Variants in CEP128 observed in about 807,000 individuals in gnomAD.
CEP128 encodes the protein centrosomal protein 128kDa.
A neutral mutation model predicts 156.7 loss-of-function variants in CEP128; 132 were observed. The observed-to-expected ratio is 0.84, with a 90% confidence interval of 0.73 to 0.97. CEP128 has a LOEUF of 0.97. Among genes scored for constraint, CEP128 ranks in the 50% least tolerant of loss-of-function variants. The probability of loss-of-function intolerance (pLI) is 0.00; values close to 1 mark genes in which losing one functional copy is unlikely to be tolerated. For synonymous variants in CEP128, 469 were observed against 448.9 expected (o/e 1.04, Z -0.57); for missense variants, 1,252 against 1,281.9 (o/e 0.98, Z 0.36).
At chr14:80,693,344 T>C (rs1896780617) in intron 19 of CEP128, among the ~76,000 whole-genome samples, 1 of 152,196 alleles carries the variant, frequency 6.6e-6, no homozygotes, top group Non-Finnish European at 1.5e-5. Context: ...CTACATGTTA[T>C]TTGTGCAGTA....
intron 19 of CEP128, among the ~76,000 whole-genome samples, chr14:80,608,782 T>C (rs2140569553): frequency 6.6e-6 from 1 of 152,340 alleles, no homozygotes; most frequent in Non-Finnish European, 1.5e-5. Flanking sequence ...GGTTAGATAC[T>C]GTTAGTAATT....
At chr14:80,831,342 A>G in intron 12 of CEP128, 48 bp from the exon 13 acceptor site, 1 of 1,586,834 alleles carries the variant, frequency 6.3e-7, no homozygotes, top group Non-Finnish European at 8.6e-7. Context: ...TATTCACAGA[A>G]GAATGTACTT....
chr14:80,786,741 A>C (rs1901427666), intron 14 of CEP128, among the ~76,000 whole-genome samples: 1 of 152,208 alleles, frequency 6.6e-6, no homozygotes, highest in Non-Finnish European at 1.5e-5. Flanking sequence ...AGGGGAAACA[A>C]AAAGTTGGAG....
chr14:80,593,168 T>C (rs1370263480), intron 19 of CEP128, among the ~76,000 whole-genome samples: 2 of 152,042 alleles, frequency 1.3e-5, no homozygotes, highest in Non-Finnish European at 2.9e-5. Context: ...GGCAAGAGAA[T>C]ACCAGAAATA....
chr14:80,562,073 G>A (rs541556132), intron 20 of CEP128, among the ~76,000 whole-genome samples: 62 of 143,688 alleles, frequency 4.3e-4, no homozygotes, highest in Non-Finnish European at 7.7e-4. Context: ...AACTACAGGT[G>A]CCCGCCACCA....
intron 19 of CEP128, among the ~76,000 whole-genome samples, chr14:80,682,528 G>A (rs946785438): frequency 2.0e-5 from 3 of 152,126 alleles, no homozygotes; most frequent in Admixed American, 6.5e-5. Flanking sequence ...CGTATTCGAG[G>A]GAATAATTCA....
intron 20 of CEP128, among the ~76,000 whole-genome samples, chr14:80,566,499 T>TA (rs1005802416): frequency 6.6e-5 from 10 of 152,040 alleles, no homozygotes; most frequent in Non-Finnish European, 1.0e-4. Flanking sequence ...TACAGTGATT[T>TA]AAAAAAAATT....
At chr14:80,731,923 GT>G (rs776003833) in intron 19 of CEP128, among the ~76,000 whole-genome samples, 48 of 152,256 alleles carry the variant, frequency 3.2e-4, no homozygotes, top group Non-Finnish European at 6.2e-4. Context: ...ATAAGGCTAT[GT>G]TTTCTTTTTG....
chr14:80,683,622 C>T (rs1269398092), intron 19 of CEP128, among the ~76,000 whole-genome samples: 1 of 152,106 alleles, frequency 6.6e-6, no homozygotes, highest in Non-Finnish European at 1.5e-5. Flanking sequence ...TTAGACTTAA[C>T]AGACATCTAC....
At chr14:80,529,612 G>T (rs545083723) in intron 22 of CEP128, among the ~76,000 whole-genome samples, 1 of 152,188 alleles carries the variant, frequency 6.6e-6, no homozygotes, top group South Asian at 2.1e-4. Context: ...TCTCTTGTCT[G>T]CCCTTCATTT....
rs397973196 is a variant in CEP128, at chr14:80,895,798, G to GAAAAAAAAA, written c.573-17_573-9dup. On this transcript the variant is annotated splice_polypyrimidine_tract_variant and intron_variant, in intron 7 of 24. Transcript: ENST00000555265. ...TTTGTTTCGGCATCTGACCTAGGAA[G>GAAAAAAAAA]AAAAAAAAAAAAAAGATTTAAATTT... The GAAAAAAAAA allele has an allele frequency of 1.2e-5, 15 of 1,264,126 alleles. No homozygotes were observed. Among genetic ancestry groups the GAAAAAAAAA allele is most frequent in the Admixed American group, 3.4e-5 (1 of 29,372 alleles). The allele number at this position is 1,264,126 out of a possible 1,614,324, so 78.3% of individuals were successfully genotyped here. A position where few individuals can be genotyped will look rare whatever the true frequency, so the allele number is the denominator to read the frequency against.
chr14:80,524,431 T>A (rs897934378), intron 23 of CEP128, among the ~76,000 whole-genome samples: 4 of 152,186 alleles, frequency 2.6e-5, no homozygotes, highest in African/African-American at 9.6e-5. Flanking sequence ...AAGCATTTTC[T>A]TCAGGATGTC....
intron 4 of CEP128, 111 bp from the exon 5 acceptor site, chr14:80,906,192 A>G (rs1446079070): frequency 2.6e-6 from 2 of 767,394 alleles, no homozygotes; most frequent in South Asian, 3.1e-5. Context: ...TTCCCCCCAA[A>G]AAAAGGTATC....
chr14:80,785,656 T>A (rs1901370625), intron 14 of CEP128, 111 bp from the exon 15 acceptor site: 5 of 741,304 alleles, frequency 6.7e-6, no homozygotes, highest in Non-Finnish European at 8.2e-6. Context: ...AAAAAAAAAA[T>A]TCATCAAATA....
chr14:80,900,148 A>G (rs2063561131), intron 6 of CEP128, 119 bp from the exon 7 acceptor site: 1 of 622,482 alleles, frequency 1.6e-6, no homozygotes, highest in African/African-American at 1.8e-5. Context: ...CCGTAATATT[A>G]TTATGAAAGA....
intron 13 of CEP128, among the ~76,000 whole-genome samples, chr14:80,795,132 C>T (rs1039440960): frequency 6.6e-6 from 1 of 152,110 alleles, no homozygotes; most frequent in African/African-American, 2.4e-5. Context: ...CTTCTAGAGC[C>T]CATGTTATCA....
chr14:80,572,983 C>T (rs1373900996), intron 20 of CEP128, among the ~76,000 whole-genome samples: 2 of 152,120 alleles, frequency 1.3e-5, no homozygotes, highest in African/African-American at 2.4e-5. Context: ...AGTGCAATGG[C>T]GCGATCTCGG....
intron 6 of CEP128, among the ~76,000 whole-genome samples, chr14:80,491,309 T>G (rs376934648): frequency 6.6e-6 from 1 of 152,162 alleles, no homozygotes; most frequent in Admixed American, 6.5e-5. Context: ...GCCAGCAGCA[T>G]GAGGTCTCTC....
intron 19 of CEP128, among the ~76,000 whole-genome samples, chr14:80,644,724 AT>A (rs1264458461): frequency 6.6e-6 from 1 of 152,126 alleles, no homozygotes; most frequent in Admixed American, 6.6e-5. Context: ...ACTACTCTAT[AT>A]TTCTATAAAA....
Sources: gnomAD v4.1 joint callset for allele counts (sites outside exome capture counted in the v4.1 genomes callset) on GRCh38, gnomAD v4.1.1 for gene constraint, MANE v1.5 for transcripts, NCBI Gene and HGNC (gene_info 2026-07-23, HGNC 2026-07-21) for gene names.